Variants in RORA observed in about 807,000 individuals in gnomAD.
The protein encoded by RORA is nuclear receptor ROR-alpha.
A neutral mutation model predicts 69.5 loss-of-function variants in RORA; 7 were observed. That is an observed-to-expected ratio of 0.10 (90% CI 0.06 to 0.19). The LOEUF (loss-of-function observed/expected upper bound fraction) is 0.19. Among genes scored for constraint, RORA ranks in the 10% least tolerant of loss-of-function variants. The probability of loss-of-function intolerance (pLI) is 1.00; values close to 1 mark genes in which losing one functional copy is unlikely to be tolerated. For synonymous variants in RORA, 261 were observed against 240.8 expected, an observed-to-expected ratio of 1.08 and a Z score of -0.78; for missense variants, 457 against 663.0, an observed-to-expected ratio of 0.69 and a Z score of 3.41.
chr15:60,885,505 G>T (rs996853155), intron 1 of RORA, among the ~76,000 whole-genome samples: 33 of 152,242 alleles, frequency 2.2e-4, no homozygotes, highest in African/African-American at 7.7e-4. Flanking sequence ...AAGAAACATT[G>T]TGAGATATAA....
intron 1 of RORA, among the ~76,000 whole-genome samples, chr15:60,752,983 A>G (rs117703667): frequency 3.9e-5 from 6 of 152,344 alleles, no homozygotes; most frequent in South Asian, 4.1e-4. Flanking sequence ...CAAAACAACA[A>G]GAAGAATGTA....
rs2065153905 is a variant in RORA at position 60,495,838 on chromosome 15, C to T, written c.*1617G>A. On this transcript the variant is annotated 3_prime_UTR_variant, in exon 11 of 11. Coordinates refer to ENST00000335670, the MANE Select transcript of RORA (RefSeq NM_134261.3). ...CTGTTTATCAGACTATTCCTTTCCC[C>T]TTCCCCCACTAGGGATCATTAAAAA... 1 of 135,724 alleles carries T rather than the reference C, an allele frequency of 7.4e-6. No individual in the cohort carries two copies. Among genetic ancestry groups the T allele is most frequent in the South Asian group, 2.6e-4 (1 of 3,886 alleles). The allele number at this position is 135,724 out of a possible 1,614,324, so 8.4% of individuals were successfully genotyped here.
chr15:60,628,167 G>A (rs1294862871), intron 2 of RORA, among the ~76,000 whole-genome samples: 1 of 152,104 alleles, frequency 6.6e-6, no homozygotes, highest in Non-Finnish European at 1.5e-5. Flanking sequence ...TCTTCCTGTT[G>A]CAGGATCCCA....
At chr15:61,170,081 C>G (rs1313722485) in intron 1 of RORA, among the ~76,000 whole-genome samples, 1 of 152,184 alleles carries the variant, frequency 6.6e-6, no homozygotes, top group Non-Finnish European at 1.5e-5. Context: ...CTGTGCCTTG[C>G]TGATCCCCAG....
intron 2 of RORA, among the ~76,000 whole-genome samples, chr15:60,581,048 T>C (rs577328172): frequency 1.3e-5 from 2 of 152,360 alleles, no homozygotes; most frequent in South Asian, 2.1e-4. Flanking sequence ...TGAGGCATCT[T>C]CAGATGGCTG....
intron 1 of RORA, among the ~76,000 whole-genome samples, chr15:60,912,790 ACAAC>A (rs1891768820): frequency 9.4e-6 from 1 of 106,356 alleles, no homozygotes. Context: ...AAAACAAAAC[ACAAC>A]AAAAAAAATC....
intron 2 of RORA, among the ~76,000 whole-genome samples, chr15:60,612,668 T>C (rs975189510): frequency 1.9e-5 from 1 of 52,102 alleles, no homozygotes; most frequent in African/African-American, 8.9e-5. Flanking sequence ...TCTGTTTTTT[T>C]TTTTTTTTTT....
chr15:60,979,941 T>A (rs1452816781), intron 1 of RORA, among the ~76,000 whole-genome samples: 1 of 152,218 alleles, frequency 6.6e-6, no homozygotes, highest in African/African-American at 2.4e-5. Flanking sequence ...AGAGAAAACA[T>A]CCATATCATG....
intron 1 of RORA, among the ~76,000 whole-genome samples, chr15:60,817,193 G>T (rs548563082): frequency 3.9e-4 from 60 of 152,264 alleles, no homozygotes; most frequent in African/African-American, 1.4e-3. Flanking sequence ...GAGATTGTGG[G>T]TTCGGTCTCT....
intron 1 of RORA, among the ~76,000 whole-genome samples, chr15:60,883,764 G>T (rs977045481): frequency 1.3e-5 from 2 of 152,108 alleles, no homozygotes; most frequent in Non-Finnish European, 2.9e-5. Context: ...AAAAGTAAAG[G>T]AACAGAGAAC....
intron 1 of RORA, among the ~76,000 whole-genome samples, chr15:61,135,180 A>C (rs968702658): frequency 7.9e-5 from 12 of 151,178 alleles, no homozygotes; most frequent in African/African-American, 2.9e-4. Context: ...AATCCATAAA[A>C]ATTAGCCAAG....
At chr15:60,640,451 G>C (rs147111099) in intron 2 of RORA, among the ~76,000 whole-genome samples, 1 of 152,074 alleles carries the variant, frequency 6.6e-6, no homozygotes, top group Admixed American at 6.5e-5. Flanking sequence ...GGCAGAGAGG[G>C]CATTTTAAAA....
rs77856699 is a variant in RORA at position 60,766,346 on chromosome 15, A to T, written c.167-87660T>A. On this transcript the variant is annotated intron_variant, in intron 1 of 10. Coordinates refer to ENST00000335670, the MANE Select transcript of RORA (RefSeq NM_134261.3). ...AGAGATTCCAAAATTAGTAAAAAAA[A>T]ATATAATAAAGTAAAATAAAGCCAA... is the stretch of plus-strand genomic sequence containing the variant. Among the ~76,000 whole-genome samples the T allele has an allele frequency of 1.5e-4, 23 of 152,280 alleles. No homozygotes were observed. The East Asian group carries it at 2.3e-3, about 15-fold the overall frequency.
chr15:60,593,842 A>C (rs202073938), intron 2 of RORA, among the ~76,000 whole-genome samples: 132 of 96,706 alleles, frequency 1.4e-3, no homozygotes, highest in African/African-American at 3.7e-3. Flanking sequence ...TTCTCCATGT[A>C]AGTGAGTTGC....
intron 1 of RORA, among the ~76,000 whole-genome samples, chr15:61,011,552 T>G (rs1895086131): frequency 6.6e-6 from 1 of 152,128 alleles, no homozygotes; most frequent in South Asian, 2.1e-4. Context: ...TTTCCTTTGA[T>G]TTTCTCAAGG....
chr15:61,111,201 C>T (rs1467021010), intron 1 of RORA, among the ~76,000 whole-genome samples: 2 of 152,136 alleles, frequency 1.3e-5, no homozygotes, highest in African/African-American at 4.8e-5. Flanking sequence ...TATGTGATTT[C>T]CAGAGAAGAA....
At chr15:60,861,614 G>A (rs2073436524) in intron 1 of RORA, among the ~76,000 whole-genome samples, 2 of 152,104 alleles carry the variant, frequency 1.3e-5, no homozygotes, top group South Asian at 2.1e-4. Context: ...TTAGCCTCAC[G>A]AGTACCTGAG....
intron 1 of RORA, among the ~76,000 whole-genome samples, chr15:61,094,487 G>A (rs1041481674): frequency 6.6e-6 from 1 of 152,158 alleles, no homozygotes; most frequent in East Asian, 1.9e-4. Context: ...AGCCGTAGGC[G>A]ATGCCCATCC....
intron 1 of RORA, among the ~76,000 whole-genome samples, chr15:61,221,248 T>A (rs2080093028): frequency 6.6e-6 from 1 of 152,222 alleles, no homozygotes. Flanking sequence ...AACCTAAAAT[T>A]CATATTTATG....
Sources: allele counts gnomAD v4.1 joint callset (sites outside exome capture counted in the v4.1 genomes callset), GRCh38; gene constraint gnomAD v4.1.1; transcripts MANE v1.5; gene names NCBI Gene and HGNC (gene_info 2026-07-23, HGNC 2026-07-21).